HMGXB4: variants seen among roughly 807,000 people sequenced by gnomAD.
HMGXB4 encodes HMG domain-containing protein 4.
In HMGXB4, 27 loss-of-function variants were observed where a neutral mutation model predicts 63.9. The observed-to-expected ratio is 0.42, with a 90% CI of 0.31 to 0.58. The LOEUF is 0.58. Ranked by LOEUF, HMGXB4 falls within the 20% of genes least tolerant of loss-of-function variation. HMGXB4 has a pLI of 0.13. For missense variants in HMGXB4, 624 were observed against 700.7 expected (o/e 0.89, Z 1.24); for synonymous variants, 264 against 265.3 (o/e 0.99, Z 0.05).
intron 5 of HMGXB4, among the ~76,000 whole-genome samples, chr22:35,267,530 C>T (rs2413338): frequency 0.48 from 72,236 of 151,936 alleles, 20,839 homozygotes; most frequent in Non-Finnish European, 0.63. Flanking sequence ...ATAACTATAA[C>T]TGAACTCTAC....
In HMGXB4 at chr22:35,288,407, G is replaced by T; in HGVS notation, c.1638G>T (p.Glu546Asp). Residue 546 changes from glutamate to aspartate, a missense_variant and splice_region_variant, in exon 9 of 11, where the codon GAG becomes GAT. Physicochemically the swap from Glu to Asp is conservative, Grantham distance 45. Coordinates refer to ENST00000216106, the MANE Select transcript of HMGXB4 (RefSeq NM_001003681.3). The stretch of plus-strand genomic sequence containing the variant: ...TTGGACACCGTCTGCAGGAAACTGA[G>T]GTGAATACAACTATCAGCAGCATGA... The part of the protein sequence containing the change: ...SLIGHRLQET[E>D]GMVAVSGSLS... 1 of 1,587,020 alleles carries T rather than the reference G, an allele frequency of 6.3e-7. No homozygotes were observed. Among genetic ancestry groups the T allele is most frequent in the Non-Finnish European group, 8.6e-7 (1 of 1,166,014 alleles).
chr22:35,246,607 T>C, the HMGXB4 span, among the ~76,000 whole-genome samples: 3 of 152,136 alleles, frequency 2.0e-5, no homozygotes, highest in Non-Finnish European at 4.4e-5. Flanking sequence ...TGCTAGGGGG[T>C]GGCTGGCTAG....
the HMGXB4 span, among the ~76,000 whole-genome samples, chr22:35,243,935 T>C: frequency 6.6e-6 from 1 of 152,248 alleles, no homozygotes; most frequent in South Asian, 2.1e-4. Context: ...CCCATTCAGG[T>C]TGTTTCTCTT....
chr22:35,287,417 A>C lies in HMGXB4; in HGVS notation c.1433A>C (p.Lys478Thr). 6.2e-7 allele frequency: 1 copy of C among 1,613,586 alleles called. No homozygotes were observed. Among genetic ancestry groups the C allele is most frequent in the Non-Finnish European group, 8.5e-7 (1 of 1,179,638 alleles). ...GCAGAAGCCACAACTGTGAAAAGGA[A>C]AGCATCCAGCTCAGAAGGTTCCATG... ...NKAEATTVKRKASSSEGSMKV... is the reference protein window; with the variant it reads ...NKAEATTVKRTASSSEGSMKV... Residue 478 changes from lysine to threonine, a missense_variant, in exon 8 of 11, where the codon AAA becomes ACA. By Grantham distance (78) the Lys-to-Thr change is moderately conservative (BLOSUM62 -1). Around this residue, in one of 2 missense-constraint regions of HMGXB4, gnomAD observed 152 missense variants for 230.1 expected, o/e 0.66. Transcript: ENST00000216106.
intron 5 of HMGXB4, among the ~76,000 whole-genome samples, chr22:35,273,997 A>G (rs1474974798): frequency 2.6e-5 from 4 of 152,214 alleles, no homozygotes; most frequent in African/African-American, 9.6e-5. Context: ...AGACTTTGCT[A>G]TTCAATAGTA....
chr22:35,259,683 T>C (rs1922714348), intron 1 of HMGXB4, among the ~76,000 whole-genome samples: 1 of 152,198 alleles, frequency 6.6e-6, no homozygotes, highest in African/African-American at 2.4e-5. Flanking sequence ...TCAGGGCCCA[T>C]CGGTCTGCCC....
chr22:35,257,305 T>C (rs1295141188), upstream of HMGXB4: 1 of 152,528 alleles, frequency 6.6e-6, no homozygotes, highest in Non-Finnish European at 1.5e-5. Flanking sequence ...AGTGAAATAA[T>C]GTTTGTAAGC....
Position 35,288,307 on chromosome 22 carries a change from C to A in HMGXB4, c.1538C>A (p.Pro513Gln). The A allele has an allele frequency of 6.2e-7, 1 of 1,612,508 alleles. No individual in the cohort carries two copies. The highest frequency in any genetic ancestry group is 1.3e-5 in the African/African-American group (1 of 74,998). The change falls in exon 9 of 11, where the codon CCA (proline) becomes CAA (glutamine). Residue 513 changes from proline (P) to glutamine (Q), a missense_variant. Transcript: ENST00000216106. ...ACCACCATGCTGTTACCAGCCTCAC[C>A]AGCCAAAGCCCCTGAGACAGAGCCC... is the stretch of plus-strand genomic sequence containing the variant. The part of the protein sequence containing the change: ...PPTTMLLPAS[P>Q]AKAPETEPID...
intron 5 of HMGXB4, among the ~76,000 whole-genome samples, chr22:35,278,917 C>T (rs1263812836): frequency 6.6e-5 from 10 of 151,152 alleles, no homozygotes; most frequent in East Asian, 3.9e-4. Context: ...CATGGTGGCA[C>T]GCACTCGTAG....
At chr22:35,271,128 G>A (rs1405268379) in intron 5 of HMGXB4, among the ~76,000 whole-genome samples, 3 of 151,818 alleles carry the variant, frequency 2.0e-5, no homozygotes, top group Non-Finnish European at 4.4e-5. Flanking sequence ...CAGGCATGGT[G>A]GCAAGCACCT....
chr22:35,291,652 T>A (rs1243308490), intron 9 of HMGXB4, among the ~76,000 whole-genome samples: 1 of 152,190 alleles, frequency 6.6e-6, no homozygotes, highest in Non-Finnish European at 1.5e-5. Context: ...ATACTAATGT[T>A]TTATTGAAGG....
At chr22:35,288,919 A>C (rs1334327162) in intron 9 of HMGXB4, among the ~76,000 whole-genome samples, 2 of 152,206 alleles carry the variant, frequency 1.3e-5, no homozygotes, top group African/African-American at 4.8e-5. Context: ...AGGCAGGCGG[A>C]TCACGAGGTC....
intron 9 of HMGXB4, among the ~76,000 whole-genome samples, chr22:35,290,469 C>A (rs574960293): frequency 1.3e-5 from 2 of 151,898 alleles, no homozygotes; most frequent in African/African-American, 4.8e-5. Flanking sequence ...CGTGGTGAAA[C>A]CCCATCTCTA....
chr22:35,264,165 C>A, intron 4 of HMGXB4: 2 of 960,314 alleles, frequency 2.1e-6, no homozygotes, highest in Non-Finnish European at 3.1e-6. Context: ...ATCCCTTTTG[C>A]CATACGTAGT....
At chr22:35,256,478 T>C (rs1413617423), upstream of HMGXB4, among the ~76,000 whole-genome samples, 2 of 152,122 alleles carry the variant, frequency 1.3e-5, no homozygotes, top group Non-Finnish European at 2.9e-5. Flanking sequence ...TGAACTGTAC[T>C]AGAAAAATAA....
At chr22:35,281,612 C>G (rs984144147) in intron 5 of HMGXB4, among the ~76,000 whole-genome samples, 1 of 152,114 alleles carries the variant, frequency 6.6e-6, no homozygotes, top group African/African-American at 2.4e-5. Flanking sequence ...TATAATATGG[C>G]CAAACAAGCT....
At chr22:35,252,742 G>A (rs903055569), upstream of HMGXB4, among the ~76,000 whole-genome samples, 1 of 152,176 alleles carries the variant, frequency 6.6e-6, no homozygotes, top group Non-Finnish European at 1.5e-5. Flanking sequence ...AGTGGCTCAC[G>A]CCTGTAATCC....
chr22:35,244,128 T>G, the HMGXB4 span, among the ~76,000 whole-genome samples: 1 of 152,156 alleles, frequency 6.6e-6, no homozygotes, highest in Non-Finnish European at 1.5e-5. Flanking sequence ...CAGCAATTAT[T>G]TCTTCATATA....
chr22:35,272,872 T>C (rs1169087352), intron 5 of HMGXB4, among the ~76,000 whole-genome samples: 1 of 152,204 alleles, frequency 6.6e-6, no homozygotes, highest in East Asian at 1.9e-4. Flanking sequence ...AGGCGGAGGT[T>C]GCAGTGAGCC....
Sources: allele counts gnomAD v4.1 joint callset (sites outside exome capture counted in the v4.1 genomes callset), GRCh38; gene constraint gnomAD v4.1.1; regional missense constraint gnomAD v4.1.1; transcripts MANE v1.5; gene names NCBI Gene and HGNC (gene_info 2026-07-23, HGNC 2026-07-21).